The following PRIM2 variants were observed in gnomAD, a reference collection of about 807,000 sequenced individuals.
PRIM2 encodes the protein DNA primase large subunit.
A neutral mutation model predicts 67.3 loss-of-function variants in PRIM2; 39 were observed. The ratio of observed to expected loss-of-function variants is 0.58; its 90% confidence interval spans 0.45 to 0.76. The LOEUF (loss-of-function observed/expected upper bound fraction) is 0.76. PRIM2 is among the 30% of genes least tolerant of loss of function. The probability of loss-of-function intolerance (pLI) is 0.00; values close to 1 mark genes in which losing one functional copy is unlikely to be tolerated. For missense variants in PRIM2, 398 were observed against 598.7 expected (o/e 0.66, Z 3.50); for synonymous variants, 143 against 198.7 (o/e 0.72, Z 2.36).
intron 10 of PRIM2, among the ~76,000 whole-genome samples, chr6:57,595,683 T>C (rs1293310400): frequency 6.6e-6 from 1 of 152,120 alleles, no homozygotes; most frequent in Non-Finnish European, 1.5e-5. Flanking sequence ...TAAAGGATGT[T>C]TTAAGGGATA....
chr6:57,458,176 T>C (rs1581926624), intron 7 of PRIM2, among the ~76,000 whole-genome samples: 2 of 152,158 alleles, frequency 1.3e-5, no homozygotes, highest in African/African-American at 2.4e-5. Flanking sequence ...CGTGGGTTGA[T>C]TGGGGGCTCT....
At chr6:57,534,442 A>G (rs1774957772) in intron 9 of PRIM2, among the ~76,000 whole-genome samples, 1 of 151,886 alleles carries the variant, frequency 6.6e-6, no homozygotes, top group Admixed American at 6.6e-5. Flanking sequence ...TGGACTTATG[A>G]TTCTTTTGTT....
At chr6:57,588,868 G>A (rs1293122907) in intron 10 of PRIM2, among the ~76,000 whole-genome samples, 1 of 152,146 alleles carries the variant, frequency 6.6e-6, no homozygotes, top group Non-Finnish European at 1.5e-5. Flanking sequence ...AGGCTGTTTG[G>A]AAAGTCAGTT....
intron 8 of PRIM2, among the ~76,000 whole-genome samples, chr6:57,520,255 A>G (rs1774583633): frequency 1.3e-5 from 2 of 152,214 alleles, no homozygotes; most frequent in African/African-American, 4.8e-5. Context: ...GTAATAGCTC[A>G]TCTCAGTAGC....
At chr6:57,571,799 G>T (rs1349022280) in intron 10 of PRIM2, among the ~76,000 whole-genome samples, 1 of 152,168 alleles carries the variant, frequency 6.6e-6, no homozygotes, top group Non-Finnish European at 1.5e-5. Context: ...ATTATTAACT[G>T]GGTTCATAGC....
intron 13 of PRIM2, among the ~76,000 whole-genome samples, chr6:57,642,438 T>TTG (rs1777257618): frequency 1.8e-5 from 1 of 56,574 alleles, no homozygotes; most frequent in Non-Finnish European, 3.7e-5. Context: ...ATTATATCTT[T>TTG]TTTTTTTTTT....
intron 7 of PRIM2, among the ~76,000 whole-genome samples, chr6:57,453,170 G>C (rs1352927260): frequency 3.7e-4 from 56 of 152,254 alleles, no homozygotes; most frequent in South Asian, 2.7e-3. Context: ...CAAATACCAT[G>C]CTGTTTTGGT....
At chr6:57,465,061 T>C (rs1348509649) in intron 7 of PRIM2, among the ~76,000 whole-genome samples, 1 of 152,190 alleles carries the variant, frequency 6.6e-6, no homozygotes, top group African/African-American at 2.4e-5. Flanking sequence ...TTTGCTACTC[T>C]GATCATTGTA....
At chr6:57,615,300 T>C (rs1235986724) in intron 12 of PRIM2, among the ~76,000 whole-genome samples, 1 of 151,644 alleles carries the variant, frequency 6.6e-6, no homozygotes, top group African/African-American at 2.4e-5. Context: ...GCACCTGTAG[T>C]GTCAGCTATG....
At chr6:57,393,167 T>A (rs1366824459) in intron 7 of PRIM2, among the ~76,000 whole-genome samples, 1 of 149,106 alleles carries the variant, frequency 6.7e-6, no homozygotes, top group African/African-American at 2.6e-5. Flanking sequence ...CTCTGGTAGA[T>A]ACCCAGTAGT....
At chr6:57,287,947 G>A in the PRIM2 span, among the ~76,000 whole-genome samples, 4 of 152,160 alleles carry the variant, frequency 2.6e-5, no homozygotes, top group African/African-American at 9.7e-5. Context: ...AGCCCACGGA[G>A]GGTGAGCTGA....
Position 57,324,234 on chromosome 6 carries a change from A to C in PRIM2, c.292A>C (p.Arg98=). ...NLEDEYEPRR[R]DHISHFILRL... ...AGAAGATGAATATGAACCACGAAGAAGAGATCATATTTCTCATTTTATTTT... is the reference window on the plus strand; with the variant it reads ...AGAAGATGAATATGAACCACGAAGACGAGATCATATTTCTCATTTTATTTT... Residue 98 remains arginine (R), a synonymous_variant, in exon 4 of 14, where the codon AGA becomes CGA. Coordinates refer to ENST00000615550, the MANE Select transcript of PRIM2 (RefSeq NM_000947.5). The C allele has an allele frequency of 6.2e-7, 1 of 1,605,724 alleles. No individual in the cohort carries two copies. Among genetic ancestry groups the C allele is most frequent in the Non-Finnish European group, 8.5e-7 (1 of 1,174,410 alleles).
Position 57,318,496 on chromosome 6 carries a change from G to A in PRIM2, c.51G>A (p.Gln17=). ...GGAAGCTGAGGTTGGCAGGTGACCAGAGGAATGCTTCCTACCCTCATTGCC... is the reference window on the plus strand; with the variant it reads ...GGAAGCTGAGGTTGGCAGGTGACCAAAGGAATGCTTCCTACCCTCATTGCC... ...KWRKLRLAGD[Q]RNASYPHCLQ... is the part of the protein sequence containing the mutation. Residue 17 remains glutamine (Q), a synonymous_variant, in exon 2 of 14, where the codon CAG becomes CAA. Coordinates refer to ENST00000615550, the MANE Select transcript of PRIM2 (RefSeq NM_000947.5). The A allele has an allele frequency of 2.5e-6, 4 of 1,609,950 alleles. No individual in the cohort carries two copies. Among genetic ancestry groups the A allele is most frequent in the Non-Finnish European group, 3.4e-6 (4 of 1,177,990 alleles).
At chr6:57,340,224 G>A (rs1453822513) in intron 5 of PRIM2, among the ~76,000 whole-genome samples, 18 of 152,242 alleles carry the variant, frequency 1.2e-4, no homozygotes, top group African/African-American at 4.1e-4. Context: ...TGGAGAGGAT[G>A]TGGAGAAATA....
chr6:57,372,859 C>T (rs10949036), intron 5 of PRIM2, among the ~76,000 whole-genome samples: 7 of 152,250 alleles, frequency 4.6e-5, no homozygotes, highest in South Asian at 2.1e-4. Context: ...TATCATTAAT[C>T]GGCATTTGGG....
At chr6:57,277,644 C>A in the PRIM2 span, among the ~76,000 whole-genome samples, 2 of 151,900 alleles carry the variant, frequency 1.3e-5, no homozygotes, top group South Asian at 2.1e-4. Flanking sequence ...TTTCAGAGAA[C>A]CACGATGTGA....
chr6:57,593,207 C>T (rs1776311374), intron 10 of PRIM2, among the ~76,000 whole-genome samples: 1 of 152,176 alleles, frequency 6.6e-6, no homozygotes, highest in Non-Finnish European at 1.5e-5. Flanking sequence ...CACCTTCAGA[C>T]CTGTCTTGAC....
chr6:57,387,644 G>A (rs558031320), intron 7 of PRIM2, among the ~76,000 whole-genome samples: 1 of 152,330 alleles, frequency 6.6e-6, no homozygotes, highest in Admixed American at 6.5e-5. Flanking sequence ...GCAGGCCCAA[G>A]GGGTGAATTT....
At chr6:57,534,989 GT>G (rs1774974422) in intron 9 of PRIM2, among the ~76,000 whole-genome samples, 1 of 152,026 alleles carries the variant, frequency 6.6e-6, no homozygotes, top group South Asian at 2.1e-4. Flanking sequence ...TCTTTTTAAT[GT>G]CTGTATTCAT....
Sources: allele counts gnomAD v4.1 joint callset (sites outside exome capture counted in the v4.1 genomes callset), GRCh38; gene constraint gnomAD v4.1.1; transcripts MANE v1.5; gene names NCBI Gene and HGNC (gene_info 2026-07-23, HGNC 2026-07-21).